The following IFT74 variants were observed in gnomAD, a reference collection of about 807,000 sequenced individuals.
The protein encoded by IFT74 is intraflagellar transport protein 74 homolog.
In IFT74, 92 loss-of-function variants were observed where a neutral mutation model predicts 96.7. The observed-to-expected ratio is 0.95, with a 90% CI of 0.80 to 1.13. IFT74 has a LOEUF of 1.13. Ranked by LOEUF, IFT74 falls within the 50% of genes most tolerant of loss-of-function variation. The pLI is 0.00. For synonymous variants in IFT74, 223 were observed against 213.2 expected, an observed-to-expected ratio of 1.05 and a Z score of -0.40; for missense variants, 811 against 698.2, an observed-to-expected ratio of 1.16 and a Z score of -1.82.
intron 12 of IFT74, 78 bp from the exon 13 acceptor site, chr9:27,028,947 A>T (rs1587381380): frequency 7.7e-7 from 1 of 1,302,418 alleles, no homozygotes; most frequent in East Asian, 2.5e-5. Flanking sequence ...CTTGGAAAAG[A>T]TATCTAACCT....
At chr9:27,044,568 A>T (rs1819611798) in intron 13 of IFT74, among the ~76,000 whole-genome samples, 174 bp from the exon 14 acceptor site, 1 of 152,224 alleles carries the variant, frequency 6.6e-6, no homozygotes, top group African/African-American at 2.4e-5. Flanking sequence ...TTCAAGTTAC[A>T]TGCATATGTC....
chr9:26,961,617 A>G (rs1186076005), intron 1 of IFT74, among the ~76,000 whole-genome samples: 1 of 152,214 alleles, frequency 6.6e-6, no homozygotes. Context: ...CAGAAAGTGC[A>G]GAGAAAGGAT....
intron 8 of IFT74, chr9:26,993,337 G>A (rs1186365696): frequency 6.6e-6 from 1 of 152,160 alleles, no homozygotes; most frequent in South Asian, 2.1e-4. Context: ...GATATTTTAT[G>A]TTCCTATAAT....
intron 8 of IFT74, among the ~76,000 whole-genome samples, chr9:26,998,535 C>T (rs183993915): frequency 1.6e-4 from 25 of 152,206 alleles, no homozygotes; most frequent in African/African-American, 5.5e-4. Flanking sequence ...TGGAATATTC[C>T]CATTTATATA....
intron 10 of IFT74, among the ~76,000 whole-genome samples, chr9:27,014,339 G>A (rs1451444684): frequency 6.6e-6 from 1 of 152,172 alleles, no homozygotes; most frequent in African/African-American, 2.4e-5. Context: ...ACCACATTTA[G>A]TATTAATACA....
At chr9:26,990,096 A>G (rs763734875) in intron 7 of IFT74, 38 bp from the exon 8 acceptor site, 23 of 1,347,242 alleles carry the variant, frequency 1.7e-5, no homozygotes, top group Admixed American at 5.5e-5. Flanking sequence ...TTGGTTTAAT[A>G]TTTATTTCTT....
intron 8 of IFT74, among the ~76,000 whole-genome samples, chr9:27,001,398 A>C (rs1828478745): frequency 6.6e-6 from 1 of 152,134 alleles, no homozygotes; most frequent in Admixed American, 6.5e-5. Context: ...TGCTCTCCAG[A>C]GTGGCTATAC....
chr9:27,015,356 G>A (rs909615127), intron 10 of IFT74, among the ~76,000 whole-genome samples: 2 of 152,094 alleles, frequency 1.3e-5, no homozygotes, highest in South Asian at 2.1e-4. Flanking sequence ...AGAAGAGGTT[G>A]GCCAGGCACA....
At chr9:26,993,306 A>G (rs942332966) in intron 8 of IFT74, 4 of 152,182 alleles carry the variant, frequency 2.6e-5, no homozygotes, top group Non-Finnish European at 5.9e-5. Context: ...ATTTAGCAGA[A>G]TGATACATTG....
Position 27,055,666 on chromosome 9 carries a change from C to G in IFT74, c.1391C>G (p.Thr464Ser), listed in dbSNP as rs1820128274. The G allele has an allele frequency of 1.9e-6, 3 of 1,592,526 alleles. No homozygotes were observed. The highest frequency in any genetic ancestry group is 2.6e-6 in the Non-Finnish European group (3 of 1,171,592). Residue 464 changes from threonine (T) to serine (S), a missense_variant, in exon 17 of 20, where the codon ACT becomes AGT. Physicochemically the swap from Thr to Ser is moderately conservative, Grantham distance 58. Transcript: ENST00000380062. ...ATGGAGCTTCTAGAAAGTAAGATGA[C>G]TGAAGAACAGCATTCTCTAAAAAGC... ...QKMELLESKM[T>S]EEQHSLKSKI... is the part of the protein sequence containing the mutation.
chr9:27,005,747 G>A (rs1828742496), intron 8 of IFT74: 1 of 151,224 alleles, frequency 6.6e-6, no homozygotes, highest in Admixed American at 6.6e-5. Flanking sequence ...GACTTCCTTA[G>A]CAAAAGATTG....
At chr9:26,999,834 T>G in intron 8 of IFT74, 1 of 549,668 alleles carries the variant, frequency 1.8e-6, no homozygotes, top group Non-Finnish European at 3.0e-6. Flanking sequence ...CCTGGTGGCA[T>G]GGTCACAGCT....
chr9:27,000,843 G>A (rs951419045), intron 8 of IFT74, among the ~76,000 whole-genome samples: 3 of 152,018 alleles, frequency 2.0e-5, no homozygotes, highest in Non-Finnish European at 2.9e-5. Context: ...AATAAAAGTT[G>A]AAGGAAAAAA....
At chr9:26,949,400 C>T (rs1446953647) in intron 1 of IFT74, among the ~76,000 whole-genome samples, 1 of 152,150 alleles carries the variant, frequency 6.6e-6, no homozygotes, top group African/African-American at 2.4e-5. Flanking sequence ...GAAACTTAAG[C>T]TTAACTAACA....
intron 1 of IFT74, among the ~76,000 whole-genome samples, chr9:26,948,448 A>ATTATTATTATTTTTTT (rs1825819541): frequency 3.4e-5 from 2 of 59,162 alleles, no homozygotes; most frequent in Admixed American, 2.0e-4. Flanking sequence ...GCTTTCCATT[A>ATTATTATTATTTTTTT]TTTTTTTTTT....
At chr9:27,054,958 A>G (rs1820095271) in intron 16 of IFT74, among the ~76,000 whole-genome samples, 1 of 152,208 alleles carries the variant, frequency 6.6e-6, no homozygotes, top group Non-Finnish European at 1.5e-5. Context: ...TAATTCAGGC[A>G]TAAGTTACAG....
At chr9:26,961,348 C>A (rs1826350541) in intron 1 of IFT74, among the ~76,000 whole-genome samples, 1 of 151,950 alleles carries the variant, frequency 6.6e-6, no homozygotes, top group Admixed American at 6.6e-5. Flanking sequence ...CCTTGGCCTC[C>A]CAAAGTGCTG....
chr9:27,005,592 C>CT (rs1200132623), intron 8 of IFT74: 2 of 151,404 alleles, frequency 1.3e-5, no homozygotes, highest in African/African-American at 4.9e-5. Context: ...CATATCTTAC[C>CT]TTTTTTTCTT....
chr9:26,954,019 A>G (rs1348540092), upstream of IFT74, among the ~76,000 whole-genome samples: 1 of 152,150 alleles, frequency 6.6e-6, no homozygotes. Context: ...TTCTCCCTTT[A>G]AAACATCCAA....
Sources: allele counts gnomAD v4.1 joint callset (sites outside exome capture counted in the v4.1 genomes callset), GRCh38; gene constraint gnomAD v4.1.1; transcripts MANE v1.5; gene names NCBI Gene and HGNC (gene_info 2026-07-23, HGNC 2026-07-21).